GPD1L: variants seen among roughly 807,000 people sequenced by gnomAD.
GPD1L encodes the protein glycerol-3-phosphate dehydrogenase 1 like, also known as glycerol-3-phosphate dehydrogenase 1-like protein.
Under a neutral mutation model 32.9 loss-of-function variants are expected in GPD1L, and 17 were observed. The observed-to-expected ratio is 0.52, with a 90% CI of 0.35 to 0.78. The LOEUF (loss-of-function observed/expected upper bound fraction) is 0.78. GPD1L is among the 30% of genes least tolerant of loss of function. GPD1L has a pLI of 0.01. For missense variants in GPD1L, 361 were observed against 447.8 expected (o/e 0.81, Z 1.75); for synonymous variants, 187 against 165.9 (o/e 1.13, Z -0.98).
chr3:32,149,621 A>G (rs1202848692), intron 5 of GPD1L, among the ~76,000 whole-genome samples: 1 of 152,134 alleles, frequency 6.6e-6, no homozygotes, highest in Non-Finnish European at 1.5e-5. Context: ...TAGTAAGGAT[A>G]TATCCTTTTT....
intron 1 of GPD1L, among the ~76,000 whole-genome samples, chr3:32,121,523 A>ATG (rs1180048309): frequency 0.016 from 1,498 of 92,608 alleles, 94 homozygotes; most frequent in African/African-American, 0.031. Context: ...ATTTCTCTCT[A>ATG]TATATATTTC....
intron 7 of GPD1L, among the ~76,000 whole-genome samples, chr3:32,164,226 C>G (rs1426671512): frequency 6.6e-6 from 1 of 152,208 alleles, no homozygotes; most frequent in African/African-American, 2.4e-5. Context: ...TGCTACCACA[C>G]TGCTTTGGGG....
At chr3:32,120,277 C>G (rs1700391890) in intron 1 of GPD1L, among the ~76,000 whole-genome samples, 1 of 151,952 alleles carries the variant, frequency 6.6e-6, no homozygotes, top group African/African-American at 2.4e-5. Context: ...AAGATCGCAC[C>G]ACTGTACTCC....
chr3:32,125,473 G>T (rs1383265116), intron 1 of GPD1L, among the ~76,000 whole-genome samples: 1 of 152,142 alleles, frequency 6.6e-6, no homozygotes, highest in South Asian at 2.1e-4. Context: ...GCTTCTCAGC[G>T]GGGTTTGGTC....
At chr3:32,132,051 A>C (rs1700593920) in intron 2 of GPD1L, among the ~76,000 whole-genome samples, 1 of 152,210 alleles carries the variant, frequency 6.6e-6, no homozygotes, top group African/African-American at 2.4e-5. Flanking sequence ...CATTTAAAAA[A>C]TGGATTGTCT....
intron 1 of GPD1L, among the ~76,000 whole-genome samples, chr3:32,124,258 G>C (rs1416558722): frequency 6.6e-6 from 1 of 152,152 alleles, no homozygotes; most frequent in Admixed American, 6.5e-5. Context: ...GTAGAGACAG[G>C]GTTTCACCAT....
intron 5 of GPD1L, among the ~76,000 whole-genome samples, chr3:32,156,167 C>T (rs935730805): frequency 2.0e-5 from 3 of 152,204 alleles, no homozygotes; most frequent in Non-Finnish European, 4.4e-5. Flanking sequence ...TTGCCTCTTC[C>T]ATGATGCTGC....
At chr3:32,158,753 G>A in intron 5 of GPD1L, 123 bp from the exon 6 acceptor site, 1 of 1,537,840 alleles carries the variant, frequency 6.5e-7, no homozygotes, top group South Asian at 1.2e-5. Flanking sequence ...CCGGCATTGA[G>A]TATTTTGAAG....
chr3:32,108,599 C>A (rs775619513), intron 1 of GPD1L, among the ~76,000 whole-genome samples: 17 of 152,188 alleles, frequency 1.1e-4, no homozygotes, highest in Non-Finnish European at 2.2e-4. Flanking sequence ...ATTTATCCCC[C>A]CTGAGTACCT....
intron 5 of GPD1L, among the ~76,000 whole-genome samples, chr3:32,153,224 C>A: frequency 6.6e-6 from 1 of 152,158 alleles, no homozygotes; most frequent in East Asian, 1.9e-4. Flanking sequence ...GTAGTCAGGG[C>A]CACTGCTCGC....
At chr3:32,133,107 T>C (rs1342384802) in intron 2 of GPD1L, among the ~76,000 whole-genome samples, 1 of 152,200 alleles carries the variant, frequency 6.6e-6, no homozygotes, top group Non-Finnish European at 1.5e-5. Context: ...CCAGATAATG[T>C]AGGTGAGTTG....
chr3:32,148,669 G>A (rs959381533), intron 5 of GPD1L, among the ~76,000 whole-genome samples: 4 of 152,320 alleles, frequency 2.6e-5, no homozygotes, highest in African/African-American at 9.6e-5. Flanking sequence ...GCGTGAACAC[G>A]GGTTTTAAGA....
intron 2 of GPD1L, among the ~76,000 whole-genome samples, chr3:32,138,344 G>T (rs1381970872): frequency 6.6e-6 from 1 of 152,220 alleles, no homozygotes; most frequent in Non-Finnish European, 1.5e-5. Flanking sequence ...GCCTTTTGCA[G>T]ATAAGGCAGT....
intron 2 of GPD1L, among the ~76,000 whole-genome samples, chr3:32,134,642 A>G (rs1213462099): frequency 6.6e-6 from 1 of 151,818 alleles, no homozygotes; most frequent in Non-Finnish European, 1.5e-5. Context: ...ACTCGCCACC[A>G]CACCTGGTTA....
At chr3:32,122,104 G>A (rs1700432068) in intron 1 of GPD1L, among the ~76,000 whole-genome samples, 2 of 152,140 alleles carry the variant, frequency 1.3e-5, no homozygotes, top group Admixed American at 1.3e-4. Context: ...TGTTGAAACA[G>A]CGTCAGTCTC....
intron 1 of GPD1L, among the ~76,000 whole-genome samples, chr3:32,122,969 A>G (rs1194534228): frequency 6.6e-6 from 1 of 152,112 alleles, no homozygotes; most frequent in Non-Finnish European, 1.5e-5. Flanking sequence ...CGGTGGTATG[A>G]TCATGGCTTA....
intron 2 of GPD1L, among the ~76,000 whole-genome samples, chr3:32,131,430 G>A (rs1700586287): frequency 6.6e-6 from 1 of 152,110 alleles, no homozygotes; most frequent in African/African-American, 2.4e-5. Context: ...CACAGCCCTA[G>A]GTGACTACTA....
At chr3:32,149,092 G>A (rs146346521) in intron 5 of GPD1L, among the ~76,000 whole-genome samples, 2,068 of 152,246 alleles carry the variant, frequency 0.014, 60 homozygotes, top group African/African-American at 0.043. Flanking sequence ...ACAAGGTCTC[G>A]CTGTGCTGCC....
intron 5 of GPD1L, among the ~76,000 whole-genome samples, chr3:32,150,659 G>A (rs1700906631): frequency 6.6e-6 from 1 of 151,996 alleles, no homozygotes; most frequent in African/African-American, 2.4e-5. Flanking sequence ...GTTAATTTTT[G>A]TATTTTTAGT....
Sources: allele counts gnomAD v4.1 joint callset (sites outside exome capture counted in the v4.1 genomes callset), GRCh38; gene constraint gnomAD v4.1.1; transcripts MANE v1.5; gene names NCBI Gene and HGNC (gene_info 2026-07-23, HGNC 2026-07-21).